The following PDE4D variants were observed in gnomAD, a reference collection of about 807,000 sequenced individuals.
The protein encoded by PDE4D is 3',5'-cyclic-AMP phosphodiesterase 4D.
PDE4D carries 24 observed loss-of-function variants against 87.4 expected under a neutral mutation model. The observed-to-expected ratio is 0.27, with a 90% confidence interval of 0.20 to 0.39. The LOEUF is 0.39. Ranked by LOEUF, PDE4D falls within the 10% of genes least tolerant of loss-of-function variation. PDE4D has a pLI of 1.00. For missense variants in PDE4D, 714 were observed against 1,041.0 expected (o/e 0.69, Z 4.32); for synonymous variants, 384 against 383.2 (o/e 1.00, Z -0.02).
intron 1 of PDE4D, among the ~76,000 whole-genome samples, chr5:59,765,161 C>T (rs887051310): frequency 6.6e-6 from 1 of 152,148 alleles, no homozygotes; most frequent in Non-Finnish European, 1.5e-5. Flanking sequence ...AGCAAAAATT[C>T]AAGTTGTAGG....
chr5:59,365,997 G>A (rs748854811), intron 1 of PDE4D, among the ~76,000 whole-genome samples: 9 of 152,128 alleles, frequency 5.9e-5, no homozygotes, highest in Middle Eastern at 3.2e-3. Context: ...ATCTGTTTCA[G>A]TAGAATATGG....
intron 1 of PDE4D, among the ~76,000 whole-genome samples, chr5:59,840,433 C>T (rs573070072): frequency 6.6e-6 from 1 of 152,118 alleles, no homozygotes; most frequent in African/African-American, 2.4e-5. Flanking sequence ...CCTTGTTTCT[C>T]ACCATATCAC....
At chr5:59,059,340 G>T (rs1284773363) in intron 5 of PDE4D, among the ~76,000 whole-genome samples, 1 of 152,104 alleles carries the variant, frequency 6.6e-6, no homozygotes, top group South Asian at 2.1e-4. Flanking sequence ...TGAGTTAAAA[G>T]AAATTACCTC....
intron 2 of PDE4D, among the ~76,000 whole-genome samples, chr5:60,000,109 A>AACAT (rs1477179803): frequency 3.3e-5 from 5 of 152,140 alleles, no homozygotes; most frequent in Non-Finnish European, 7.3e-5. Flanking sequence ...CAAGTGTTCC[A>AACAT]ACATACACAT....
chr5:59,823,244 T>A (rs2152690406), intron 1 of PDE4D, among the ~76,000 whole-genome samples: 1 of 152,334 alleles, frequency 6.6e-6, no homozygotes, highest in African/African-American at 2.4e-5. Flanking sequence ...CGCCCCCTGT[T>A]TAATGCCTTC....
intron 1 of PDE4D, among the ~76,000 whole-genome samples, chr5:60,452,396 T>C (rs1319231331): frequency 6.6e-6 from 1 of 152,096 alleles, no homozygotes; most frequent in African/African-American, 2.4e-5. Flanking sequence ...ACCAAATTAA[T>C]CTGCAGGATA....
chr5:60,017,910 G>T (rs1268960688), intron 2 of PDE4D, among the ~76,000 whole-genome samples: 1 of 152,154 alleles, frequency 6.6e-6, no homozygotes, highest in Non-Finnish European at 1.5e-5. Context: ...TACATTCCCA[G>T]CCACAGTGTA....
intron 1 of PDE4D, among the ~76,000 whole-genome samples, chr5:60,380,064 G>A (rs1026638668): frequency 1.3e-5 from 2 of 152,160 alleles, no homozygotes; most frequent in Non-Finnish European, 2.9e-5. Flanking sequence ...GCCCGATGCT[G>A]GTTAATTTTA....
At chr5:59,686,548 G>T (rs796294481) in intron 1 of PDE4D, among the ~76,000 whole-genome samples, 1 of 152,046 alleles carries the variant, frequency 6.6e-6, no homozygotes, top group Non-Finnish European at 1.5e-5. Context: ...AAATAGAAAT[G>T]ATCACAATTT....
intron 1 of PDE4D, among the ~76,000 whole-genome samples, chr5:60,437,347 C>CT (rs1744840889): frequency 6.6e-6 from 1 of 152,120 alleles, no homozygotes; most frequent in Non-Finnish European, 1.5e-5. Context: ...AATGAAATTA[C>CT]TACCCTTCAG....
At position 60,513,962 on chromosome 5, in the gene PDE4D, A is replaced by G. The variant is rs191140173; in HGVS notation, n.70+8089T>C. Among the ~76,000 whole-genome samples the G allele has an allele frequency of 1.5e-3, 224 of 151,346 alleles. 3 individuals carry two copies. The highest frequency in any genetic ancestry group is 3.4e-3 in the Middle Eastern group (1 of 294). On this transcript the variant is annotated intron_variant and non_coding_transcript_variant, in intron 1 of 2. Transcript: ENST00000506510. The stretch of plus-strand genomic sequence containing the variant: ...AGAACAGCAAATTAAGTCCAAAGAA[A>G]AAGAAGAAATGAAATGATAATATAA...
chr5:60,049,850 C>A (rs1335774454), intron 2 of PDE4D, among the ~76,000 whole-genome samples: 1 of 152,204 alleles, frequency 6.6e-6, no homozygotes, highest in African/African-American at 2.4e-5. Flanking sequence ...AGAGGTGGAG[C>A]CTACAGAGGC....
intron 2 of PDE4D, among the ~76,000 whole-genome samples, chr5:60,104,379 C>T (rs1243194681): frequency 6.6e-6 from 1 of 152,242 alleles, no homozygotes; most frequent in Non-Finnish European, 1.5e-5. Context: ...GGGTGGAGCC[C>T]ACCACAGCTC....
intron 1 of PDE4D, among the ~76,000 whole-genome samples, chr5:59,552,392 T>C (rs908425498): frequency 1.3e-5 from 2 of 152,272 alleles, no homozygotes; most frequent in African/African-American, 2.4e-5. Flanking sequence ...AATACCCACA[T>C]AGCTATAAAG....
chr5:59,396,099 C>T lies in PDE4D; in HGVS notation c.456-180131G>A, dbSNP rs1357989068. On this transcript the variant is annotated intron_variant, in intron 1 of 14. Transcript: ENST00000340635. ...GGACTATGTGAATAGACCAAGTCTACGTCTGACTGGTGTACCTGAAAGTGA... is the reference window on the plus strand; with the variant it reads ...GGACTATGTGAATAGACCAAGTCTATGTCTGACTGGTGTACCTGAAAGTGA... Among the ~76,000 whole-genome samples the T allele has an allele frequency of 4.2e-5, 5 of 120,358 alleles. 2 individuals are homozygous for T. The highest frequency in any genetic ancestry group is 5.3e-5 in the Non-Finnish European group (3 of 56,562). The allele number at this position is 120,358 out of a possible 152,430, so 79.0% of individuals were successfully genotyped here.
chr5:60,245,273 C>T (rs777957753), intron 1 of PDE4D, among the ~76,000 whole-genome samples: 2 of 152,000 alleles, frequency 1.3e-5, no homozygotes, highest in African/African-American at 2.4e-5. Flanking sequence ...ATCCAAAAGA[C>T]AGGCAACAAC....
chr5:59,626,623 T>C (rs996258989), intron 1 of PDE4D, among the ~76,000 whole-genome samples: 1 of 152,186 alleles, frequency 6.6e-6, no homozygotes, highest in African/African-American at 2.4e-5. Flanking sequence ...TAAACTAAAA[T>C]AGAAGACATT....
intron 2 of PDE4D, 38 bp from the exon 3 acceptor site, chr5:59,193,574 A>AT: frequency 1.9e-6 from 3 of 1,610,360 alleles, no homozygotes; most frequent in Non-Finnish European, 2.5e-6. Flanking sequence ...GAAATCATCA[A>AT]TAACTCTGTG....
At chr5:59,818,297 G>C (rs1349919031) in intron 1 of PDE4D, among the ~76,000 whole-genome samples, 1 of 152,122 alleles carries the variant, frequency 6.6e-6, no homozygotes, top group Non-Finnish European at 1.5e-5. Flanking sequence ...TTGTGAAATG[G>C]GATAATAATC....
Sources: allele counts gnomAD v4.1 joint callset (sites outside exome capture counted in the v4.1 genomes callset), GRCh38; gene constraint gnomAD v4.1.1; transcripts MANE v1.5; gene names NCBI Gene and HGNC (gene_info 2026-07-23, HGNC 2026-07-21).